Variants in HVCN1 observed in about 807,000 individuals in gnomAD.
The protein encoded by HVCN1 is hydrogen voltage gated channel 1.
A neutral mutation model predicts 29.2 loss-of-function variants in HVCN1; 14 were observed. That is an observed-to-expected ratio of 0.48 (90% CI 0.32 to 0.75). HVCN1 has a LOEUF of 0.75. Among genes scored for constraint, HVCN1 ranks in the 30% least tolerant of loss-of-function variants. The probability of loss-of-function intolerance (pLI) is 0.04; values close to 1 mark genes in which losing one functional copy is unlikely to be tolerated. For synonymous variants in HVCN1, 131 were observed against 133.2 expected (o/e 0.98, Z 0.11); for missense variants, 263 against 341.8 (o/e 0.77, Z 1.82).
chr12:110,650,547 T>A (rs1374611634), intron 6 of HVCN1, among the ~76,000 whole-genome samples: 2 of 152,188 alleles, frequency 1.3e-5, no homozygotes, highest in Non-Finnish European at 2.9e-5. Context: ...ATTCTTAACC[T>A]AGAACCTGTT....
rs1242696464 is a variant in HVCN1 at position 110,658,604 on chromosome 12, G to T, written c.306+2560C>A. ...GGGCTCACTCCTGCTCAGCATGCAG[G>T]TGTCACCTCCTTCGACTCCAGTCCC... On this transcript the variant is annotated intron_variant, in intron 4 of 7. Transcript: ENST00000242607. This position sits in a 1 kb window ranked among gnomAD's most constrained non-coding sequence, Gnocchi z 5.0. 6.6e-6 allele frequency among the ~76,000 whole-genome samples: 1 copy of T among 152,124 alleles called. No homozygotes were observed.
rs915040156 is a variant in HVCN1, at chr12:110,658,277, G to T, written c.306+2887C>A. The stretch of plus-strand genomic sequence containing the variant: ...ACCACCCAAGAAAGGGATCCCAGGA[G>T]CTTCCTGGATGCCGATCCTACCTGC... On this transcript the variant is annotated intron_variant, in intron 4 of 7. Transcript: ENST00000242607. This position sits in a 1 kb window ranked among gnomAD's most constrained non-coding sequence, Gnocchi z 5.0. Among the ~76,000 whole-genome samples the T allele has an allele frequency of 1.3e-5, 2 of 152,110 alleles. No homozygotes were observed. Among genetic ancestry groups the T allele is most frequent in the Non-Finnish European group, 2.9e-5 (2 of 68,024 alleles).
At chr12:110,702,794 A>G (rs2069576155) in intron 1 of HVCN1, among the ~76,000 whole-genome samples, 1 of 152,140 alleles carries the variant, frequency 6.6e-6, no homozygotes, top group Non-Finnish European at 1.5e-5. Context: ...AGCTGGGATT[A>G]CAGGCATGTG....
At chr12:110,692,175 A>G (rs1165830551), upstream of HVCN1, among the ~76,000 whole-genome samples, 1 of 152,224 alleles carries the variant, frequency 6.6e-6, no homozygotes, top group Admixed American at 6.5e-5. Context: ...CATTGCTACT[A>G]TTCAACATTT....
chr12:110,675,786 AT>A (rs1459542966), intron 3 of HVCN1, among the ~76,000 whole-genome samples: 1 of 151,200 alleles, frequency 6.6e-6, no homozygotes, highest in Non-Finnish European at 1.5e-5. Flanking sequence ...GTGCATGCCT[AT>A]AATCCCAGCT....
At chr12:110,683,454 C>G (rs2069060486) in intron 2 of HVCN1, among the ~76,000 whole-genome samples, 190 bp from the exon 3 acceptor site, 1 of 152,170 alleles carries the variant, frequency 6.6e-6, no homozygotes, top group African/African-American at 2.4e-5. Flanking sequence ...TGAACTGAAA[C>G]AGGGACTCAA....
chr12:110,655,941 G>A (rs1367725435), intron 4 of HVCN1, among the ~76,000 whole-genome samples: 2 of 152,192 alleles, frequency 1.3e-5, no homozygotes, highest in East Asian at 3.8e-4. Flanking sequence ...CTAACCCCAA[G>A]TGATCCACCC....
At chr12:110,649,594 T>C (rs933388881) in intron 7 of HVCN1, 119 bp from the exon 8 acceptor site, 2 of 751,762 alleles carry the variant, frequency 2.7e-6, no homozygotes, top group Middle Eastern at 2.3e-4. Flanking sequence ...CTACGCTGTT[T>C]GTGGCATTCA....
chr12:110,701,594 C>T (rs749683868), intron 2 of HVCN1, among the ~76,000 whole-genome samples: 2 of 152,156 alleles, frequency 1.3e-5, no homozygotes, highest in Non-Finnish European at 2.9e-5. Context: ...AGGTGGCTCA[C>T]GCCTGTAATC....
At chr12:110,681,994 GT>G (rs533765094) in intron 3 of HVCN1, among the ~76,000 whole-genome samples, 1 of 150,928 alleles carries the variant, frequency 6.6e-6, no homozygotes, top group Non-Finnish European at 1.5e-5. Context: ...CCCAATTTCT[GT>G]TTTTTTTTGG....
rs758021555 is a variant in HVCN1, at chr12:110,670,580, A to AG, written c.22-9133dup. On this transcript the variant is annotated intron_variant, in intron 3 of 7. Coordinates refer to ENST00000242607, the MANE Select transcript of HVCN1 (RefSeq NM_032369.4). ...GAGGCCATCCTTTAGGGTCCTGGTG[A>AG]GGGGGGGCCTTGTCCAAGGTCACAC... 4.6e-5 allele frequency among the ~76,000 whole-genome samples: 7 copies of AG among 152,016 alleles called. No individual in the cohort carries two copies. In the East Asian group the frequency reaches 1.2e-3, roughly 25 times the overall value.
intron 7 of HVCN1, 96 bp downstream of exon 7, chr12:110,650,072 G>A (rs2067728276): frequency 4.0e-6 from 3 of 756,840 alleles, no homozygotes; most frequent in Admixed American, 1.9e-5. Context: ...CTCGAACTCC[G>A]GACCTCAGGT....
chr12:110,702,905 C>T (rs557472300), intron 1 of HVCN1, among the ~76,000 whole-genome samples: 8 of 152,176 alleles, frequency 5.3e-5, no homozygotes, highest in South Asian at 4.2e-4. Flanking sequence ...CTGCCCGCCT[C>T]GGCCTCCCAA....
At chr12:110,668,530 C>T (rs185774049) in intron 3 of HVCN1, among the ~76,000 whole-genome samples, 1 of 152,140 alleles carries the variant, frequency 6.6e-6, no homozygotes, top group Admixed American at 6.5e-5. Context: ...AACCCCAAAA[C>T]TCTTCTCCTC....
chr12:110,696,602 G>C (rs1336720582), intron 2 of HVCN1, among the ~76,000 whole-genome samples: 1 of 151,764 alleles, frequency 6.6e-6, no homozygotes, highest in Non-Finnish European at 1.5e-5. Context: ...TCCCATTCCT[G>C]TCTCCCTCCA....
intron 3 of HVCN1, among the ~76,000 whole-genome samples, chr12:110,664,293 A>G (rs1347459373): frequency 6.6e-6 from 1 of 152,196 alleles, no homozygotes; most frequent in Non-Finnish European, 1.5e-5. Flanking sequence ...ACACTCAAAA[A>G]TACTGAAATG....
rs930750396 is a variant in HVCN1, at chr12:110,658,595, A to G, written c.306+2569T>C. 6.6e-6 allele frequency among the ~76,000 whole-genome samples: 1 copy of G among 152,108 alleles called. No homozygotes were observed. Among genetic ancestry groups the G allele is most frequent in the Non-Finnish European group, 1.5e-5 (1 of 68,004 alleles). On this transcript the variant is annotated intron_variant, in intron 4 of 7. Coordinates refer to ENST00000242607, the MANE Select transcript of HVCN1 (RefSeq NM_032369.4). This position sits in a 1 kb window ranked among gnomAD's most constrained non-coding sequence, Gnocchi z 5.0. ...CCACCCATCGGGCTCACTCCTGCTCAGCATGCAGGTGTCACCTCCTTCGAC... is the reference window on the plus strand; with the variant it reads ...CCACCCATCGGGCTCACTCCTGCTCGGCATGCAGGTGTCACCTCCTTCGAC...
chr12:110,672,486 G>A (rs1048312742), intron 3 of HVCN1, among the ~76,000 whole-genome samples: 2 of 152,122 alleles, frequency 1.3e-5, no homozygotes, highest in African/African-American at 2.4e-5. Flanking sequence ...ACAGGGAAAG[G>A]GGTCCTCAAT....
chr12:110,669,821 C>T (rs1032575648), intron 3 of HVCN1, among the ~76,000 whole-genome samples: 11 of 152,030 alleles, frequency 7.2e-5, no homozygotes, highest in East Asian at 3.9e-4. Flanking sequence ...TTTGGGAGGC[C>T]GAGACGGGCA....
Sources: allele counts gnomAD v4.1 joint callset (sites outside exome capture counted in the v4.1 genomes callset), GRCh38; gene constraint gnomAD v4.1.1; non-coding constraint Gnocchi (gnomAD v3.1); transcripts MANE v1.5; gene names NCBI Gene and HGNC (gene_info 2026-07-23, HGNC 2026-07-21).